Variants in GPR39 observed in about 807,000 individuals in gnomAD.
The protein encoded by GPR39 is G protein-coupled receptor 39.
Under a neutral mutation model 18.4 loss-of-function variants are expected in GPR39, and 23 were observed. That is an observed-to-expected ratio of 1.25 (90% CI 0.90 to 1.77). The LOEUF is 1.77. Among genes scored for constraint, GPR39 ranks in the 40% most tolerant of loss-of-function variants. GPR39 has a pLI of 0.00. For missense variants in GPR39, 647 were observed against 602.4 expected (o/e 1.07, Z -0.78); for synonymous variants, 280 against 257.9 (o/e 1.09, Z -0.82).
Position 132,506,651 on chromosome 2 carries a change from C to T in GPR39, c.856+88753C>T, listed in dbSNP as rs141709749. 2.9e-4 allele frequency among the ~76,000 whole-genome samples: 44 copies of T among 152,170 alleles called. No homozygotes were observed. The East Asian group carries it at 7.0e-3, about 24-fold the overall frequency. On this transcript the variant is annotated intron_variant, in intron 1 of 1. Transcript: ENST00000329321. Reference sequence around the variant, plus strand: ...TGAGTGTTCAGCGAAGGGGGAAGGCCCTTATAAAACCATCAGATCTTGTGA... The same window carrying T: ...TGAGTGTTCAGCGAAGGGGGAAGGCTCTTATAAAACCATCAGATCTTGTGA...
chr2:132,569,398 G>T (rs543567666), intron 1 of GPR39, among the ~76,000 whole-genome samples: 1 of 152,090 alleles, frequency 6.6e-6, no homozygotes, highest in Admixed American at 6.5e-5. Context: ...CAGCTGATGG[G>T]TTTGATGGAT....
chr2:132,476,287 A>C (rs1242398019), intron 1 of GPR39, among the ~76,000 whole-genome samples: 2 of 152,162 alleles, frequency 1.3e-5, no homozygotes, highest in East Asian at 3.9e-4. Flanking sequence ...TTCTGGTTCG[A>C]AGTCCCTAGA....
At chr2:132,422,291 G>C (rs536781028) in intron 1 of GPR39, among the ~76,000 whole-genome samples, 1 of 152,108 alleles carries the variant, frequency 6.6e-6, no homozygotes, top group Admixed American at 6.5e-5. Flanking sequence ...TGTCAGTGGC[G>C]TGGCATTTGA....
chr2:132,477,098 A>G (rs970463066), intron 1 of GPR39, among the ~76,000 whole-genome samples: 1 of 152,242 alleles, frequency 6.6e-6, no homozygotes, highest in African/African-American at 2.4e-5. Flanking sequence ...CTGTTTTTAC[A>G]TGGACCCAGT....
rs1447175422 is a variant in GPR39 at position 132,493,525 on chromosome 2, TATAC to T, written c.856+75629_856+75632del. ...TACACCATATATATATATATATATATATACACACACCATATATATATATATGGTA... is the reference window on the plus strand; with the variant it reads ...TACACCATATATATATATATATATATACACACCATATATATATATATGGTA... On this transcript the variant is annotated intron_variant, in intron 1 of 1. Coordinates refer to ENST00000329321, the MANE Select transcript of GPR39 (RefSeq NM_001508.3). Among the ~76,000 whole-genome samples the T allele has an allele frequency of 4.9e-3, 509 of 103,788 alleles. 6 individuals carry two copies. The highest frequency in any genetic ancestry group is 0.015 in the African/African-American group (455 of 30,534). 68.1% of individuals were successfully genotyped at this position (103,788 alleles called of 152,430 possible). A position where few individuals can be genotyped will look rare whatever the true frequency, so the allele number is the denominator to read the frequency against.
At chr2:132,422,230 A>T (rs1573593876) in intron 1 of GPR39, among the ~76,000 whole-genome samples, 1 of 152,312 alleles carries the variant, frequency 6.6e-6, no homozygotes, top group East Asian at 1.9e-4. Flanking sequence ...TATCCTTATC[A>T]GTTTTCCATT....
chr2:132,532,091 T>C (rs1395717028), intron 1 of GPR39, among the ~76,000 whole-genome samples: 1 of 151,928 alleles, frequency 6.6e-6, no homozygotes, highest in African/African-American at 2.4e-5. Flanking sequence ...ACAAAATTGA[T>C]AGACCACTAG....
At chr2:132,502,171 C>T (rs915376983) in intron 1 of GPR39, among the ~76,000 whole-genome samples, 3 of 151,964 alleles carry the variant, frequency 2.0e-5, no homozygotes, top group African/African-American at 7.3e-5. Flanking sequence ...TTATATAGGT[C>T]CTGTGAGAAT....
chr2:132,505,805 G>C (rs1002764038), intron 1 of GPR39, among the ~76,000 whole-genome samples: 6 of 152,140 alleles, frequency 3.9e-5, no homozygotes, highest in East Asian at 3.8e-4. Context: ...TCATCCATTG[G>C]TGGACACTTA....
chr2:132,646,340 T>G lies in GPR39; in HGVS notation c.*734T>G, dbSNP rs557729941. On this transcript the variant is annotated 3_prime_UTR_variant, in exon 2 of 2. Transcript: ENST00000329321. ...GCACCGGCAAAAGAATAGCTGTCCC[T>G]CTCAGCCCAAATCCAAACGGACAGC... 2 of 1,209,520 alleles carry G rather than the reference T, an allele frequency of 1.7e-6. No individual in the cohort carries two copies. The highest frequency in any genetic ancestry group is 2.2e-6 in the Non-Finnish European group (2 of 908,180). The allele number at this position is 1,209,520 out of a possible 1,614,324, so 74.9% of individuals were successfully genotyped here.
chr2:132,560,767 G>A (rs551182350), intron 1 of GPR39, among the ~76,000 whole-genome samples: 23 of 152,202 alleles, frequency 1.5e-4, no homozygotes, highest in African/African-American at 1.9e-4. Context: ...AACATCCTGC[G>A]TGGGCAGATT....
At chr2:132,481,600 C>G (rs1423897240) in intron 1 of GPR39, among the ~76,000 whole-genome samples, 2 of 152,186 alleles carry the variant, frequency 1.3e-5, no homozygotes, top group Non-Finnish European at 2.9e-5. Context: ...CAAGTGCTGA[C>G]ATGAAGTTGA....
intron 1 of GPR39, among the ~76,000 whole-genome samples, chr2:132,560,933 A>G (rs1408277963): frequency 7.4e-6 from 1 of 135,356 alleles, no homozygotes; most frequent in Admixed American, 7.4e-5. Flanking sequence ...TTTTTTTGAG[A>G]TGGAATCTCA....
chr2:132,527,957 G>A (rs568047529), intron 1 of GPR39, among the ~76,000 whole-genome samples: 11 of 152,082 alleles, frequency 7.2e-5, no homozygotes, highest in South Asian at 2.1e-4. Flanking sequence ...TGTCTGTTTT[G>A]CTTTTGTTAC....
chr2:132,538,062 A>G (rs1327929931), intron 1 of GPR39, among the ~76,000 whole-genome samples: 1 of 151,962 alleles, frequency 6.6e-6, no homozygotes, highest in Non-Finnish European at 1.5e-5. Context: ...CGTTCATCTC[A>G]TTCTCTGTCC....
At chr2:132,521,471 CT>C (rs1679425440) in intron 1 of GPR39, among the ~76,000 whole-genome samples, 3 of 152,168 alleles carry the variant, frequency 2.0e-5, no homozygotes, top group Non-Finnish European at 2.9e-5. Flanking sequence ...GGAGGAGCCT[CT>C]TTTCTCTGAT....
chr2:132,437,551 G>A (rs1207487197), intron 1 of GPR39, among the ~76,000 whole-genome samples: 3 of 152,162 alleles, frequency 2.0e-5, no homozygotes, highest in African/African-American at 7.2e-5. Context: ...CTGTGGGTTG[G>A]CGGGCAGAGG....
chr2:132,596,052 C>T (rs1321506482), intron 1 of GPR39, among the ~76,000 whole-genome samples: 1 of 152,180 alleles, frequency 6.6e-6, no homozygotes, highest in Non-Finnish European at 1.5e-5. Flanking sequence ...GCCCCACTGG[C>T]TCTCCAAGCT....
chr2:132,552,945 T>A (rs184735359), intron 1 of GPR39, among the ~76,000 whole-genome samples: 2 of 147,796 alleles, frequency 1.4e-5, no homozygotes, highest in Admixed American at 6.9e-5. Flanking sequence ...TATATATATT[T>A]TTTTTTTTGG....
Sources: allele counts gnomAD v4.1 joint callset (sites outside exome capture counted in the v4.1 genomes callset), GRCh38; gene constraint gnomAD v4.1.1; transcripts MANE v1.5; gene names NCBI Gene and HGNC (gene_info 2026-07-23, HGNC 2026-07-21).